KIF6: variants seen among roughly 807,000 people sequenced by gnomAD.
KIF6 encodes kinesin-like protein KIF6.
A neutral mutation model predicts 112.7 loss-of-function variants in KIF6; 106 were observed. The ratio of observed to expected loss-of-function variants is 0.94; its 90% CI spans 0.80 to 1.11. The LOEUF is 1.11. KIF6 is among the 50% of genes least tolerant of loss of function. The pLI, the probability that KIF6 is intolerant of heterozygous loss-of-function variation, is 0.00. For missense variants in KIF6, 929 were observed against 964.0 expected, an observed-to-expected ratio of 0.96 and a Z score of 0.48; for synonymous variants, 339 against 339.9, an observed-to-expected ratio of 1.00 and a Z score of 0.03.
intron 13 of KIF6, among the ~76,000 whole-genome samples, chr6:39,499,157 G>C (rs933995814): frequency 6.6e-6 from 1 of 152,154 alleles, no homozygotes; most frequent in Admixed American, 6.5e-5. Flanking sequence ...CTGGCCCTTA[G>C]AGGGGTTAGA....
chr6:39,490,372 T>C (rs1317990610), intron 13 of KIF6, among the ~76,000 whole-genome samples: 2 of 152,190 alleles, frequency 1.3e-5, no homozygotes, highest in African/African-American at 4.8e-5. Context: ...GTTATCACAT[T>C]AACACATCTT....
intron 13 of KIF6, among the ~76,000 whole-genome samples, chr6:39,469,234 T>C (rs1241694168): frequency 6.6e-6 from 1 of 151,932 alleles, no homozygotes; most frequent in African/African-American, 2.4e-5. Flanking sequence ...ATTCACTTAA[T>C]GTAAAATAAA....
intron 19 of KIF6, chr6:39,354,023 G>A: frequency 2.8e-5 from 10 of 361,610 alleles, no homozygotes; most frequent in South Asian, 2.4e-4. Flanking sequence ...ATTGATAGAT[G>A]ACGATGGCAA....
intron 15 of KIF6, among the ~76,000 whole-genome samples, chr6:39,386,867 C>T (rs1767473810): frequency 6.6e-6 from 1 of 152,166 alleles, no homozygotes; most frequent in African/African-American, 2.4e-5. Flanking sequence ...GTGATCAGGC[C>T]ACTGGGGGAT....
chr6:39,583,896 AC>A (rs1044311617), intron 9 of KIF6, among the ~76,000 whole-genome samples: 13 of 151,680 alleles, frequency 8.6e-5, no homozygotes, highest in African/African-American at 3.1e-4. Flanking sequence ...AAAATAGAGA[AC>A]AGAAAATATC....
intron 3 of KIF6, among the ~76,000 whole-genome samples, chr6:39,702,290 A>G (rs2113839382): frequency 6.6e-6 from 1 of 152,218 alleles, no homozygotes; most frequent in East Asian, 1.9e-4. Flanking sequence ...TGATGGCCCC[A>G]GCTCATTTCT....
chr6:39,679,911 C>G (rs1182560821), intron 3 of KIF6, among the ~76,000 whole-genome samples: 3 of 151,452 alleles, frequency 2.0e-5, no homozygotes, highest in African/African-American at 7.3e-5. Flanking sequence ...GCCACCATGC[C>G]TGGCTGGCAG....
In KIF6 at chr6:39,343,748, C is replaced by T. The variant is rs144156709; in HGVS notation, c.2389G>A (p.Ala797Thr). ...ATGCTCTGTCTGGCCTTGATGAAGG[C>T]GATGATGTCCGAGTCCGTCTGGCTG... ...GDSQTDSDII[A>T]FIKARQSILQ... Residue 797 changes from alanine to threonine, a missense_variant, in exon 22 of 23, where the codon GCC (alanine) becomes ACC (threonine). Coordinates refer to ENST00000287152, the MANE Select transcript of KIF6 (RefSeq NM_145027.6). This position sits in a 1 kb window ranked among gnomAD's most constrained non-coding sequence, Gnocchi z 4.1. The T allele has an allele frequency of 5.9e-5, 95 of 1,612,762 alleles. No individual in the cohort carries two copies. In the African/African-American group the frequency reaches 8.8e-4, roughly 15 times the overall value.
chr6:39,360,758 C>G (rs974395985), intron 17 of KIF6, among the ~76,000 whole-genome samples: 2 of 152,162 alleles, frequency 1.3e-5, no homozygotes, highest in Non-Finnish European at 2.9e-5. Context: ...CCATGGGAAT[C>G]TGTGTGTGAG....
intron 13 of KIF6, among the ~76,000 whole-genome samples, chr6:39,479,325 C>A (rs545368496): frequency 6.6e-6 from 1 of 152,250 alleles, no homozygotes; most frequent in African/African-American, 2.4e-5. Context: ...ACGTGGCTTG[C>A]CAATTATTCC....
intron 22 of KIF6, among the ~76,000 whole-genome samples, chr6:39,340,975 C>T (rs1763297071): frequency 1.3e-5 from 2 of 152,126 alleles, no homozygotes; most frequent in South Asian, 2.1e-4. Context: ...CACACACTGT[C>T]CCCTCTACTT....
chr6:39,528,900 A>C (rs892967632), intron 13 of KIF6, among the ~76,000 whole-genome samples: 9 of 152,266 alleles, frequency 5.9e-5, no homozygotes, highest in Admixed American at 5.2e-4. Context: ...AACCACAAAA[A>C]CCCCTGAATA....
chr6:39,553,734 T>C (rs1479343012), intron 10 of KIF6: 1 of 152,234 alleles, frequency 6.6e-6, no homozygotes, highest in Non-Finnish European at 1.5e-5. Context: ...CTAAACATTT[T>C]AAATTCAGTA....
intron 10 of KIF6, among the ~76,000 whole-genome samples, chr6:39,574,683 A>AT (rs1780833819): frequency 1.3e-5 from 2 of 152,016 alleles, no homozygotes; most frequent in South Asian, 4.2e-4. Flanking sequence ...TGCATGTCTT[A>AT]TTTTTTTAGT....
At chr6:39,535,063 C>G (rs924495399) in intron 13 of KIF6, among the ~76,000 whole-genome samples, 1 of 152,140 alleles carries the variant, frequency 6.6e-6, no homozygotes, top group Non-Finnish European at 1.5e-5. Flanking sequence ...CTGAAGGAAG[C>G]ACTAAACATG....
At chr6:39,387,444 A>C (rs1223613745) in intron 15 of KIF6, among the ~76,000 whole-genome samples, 1 of 152,186 alleles carries the variant, frequency 6.6e-6, no homozygotes, top group African/African-American at 2.4e-5. Context: ...GGGCACCTGC[A>C]TGTCTGTGCC....
chr6:39,701,435 G>A (rs973540372), intron 3 of KIF6, among the ~76,000 whole-genome samples: 2 of 152,238 alleles, frequency 1.3e-5, no homozygotes, highest in African/African-American at 2.4e-5. Context: ...ATGCTATTGC[G>A]TGGATGCTGC....
chr6:39,692,992 C>T (rs1015935665), intron 3 of KIF6, among the ~76,000 whole-genome samples: 6 of 152,200 alleles, frequency 3.9e-5, no homozygotes, highest in Non-Finnish European at 8.8e-5. Context: ...TATCAATTCC[C>T]TCAGGGAAGA....
intron 15 of KIF6, among the ~76,000 whole-genome samples, chr6:39,402,374 G>T (rs1006265633): frequency 6.6e-6 from 1 of 152,148 alleles, no homozygotes; most frequent in East Asian, 1.9e-4. Flanking sequence ...TCCGTGCTGT[G>T]CCCGGCAGAA....
Sources: gnomAD v4.1 joint callset for allele counts (sites outside exome capture counted in the v4.1 genomes callset) on GRCh38, gnomAD v4.1.1 for gene constraint, Gnocchi (gnomAD v3.1) non-coding constraint, MANE v1.5 for transcripts, NCBI Gene and HGNC (gene_info 2026-07-23, HGNC 2026-07-21) for gene names.